The following UNC13A variants were observed in gnomAD, a reference collection of about 807,000 sequenced individuals.
UNC13A encodes protein unc-13 homolog A.
Under a neutral mutation model 219.7 loss-of-function variants are expected in UNC13A, and 61 were observed. The ratio of observed to expected loss-of-function variants is 0.28; its 90% confidence interval spans 0.23 to 0.34. The LOEUF is 0.34. Among genes scored for constraint, UNC13A ranks in the 10% least tolerant of loss-of-function variants. The pLI, the probability that UNC13A is intolerant of heterozygous loss-of-function variation, is 1.00. For synonymous variants in UNC13A, 920 were observed against 884.6 expected (o/e 1.04, Z -0.71); for missense variants, 1,476 against 2,270.3 (o/e 0.65, Z 7.11).
At chr19:17,659,818 A>G (rs73514341) in intron 8 of UNC13A, among the ~76,000 whole-genome samples, 2,828 of 152,244 alleles carry the variant, frequency 0.019, 79 homozygotes, top group African/African-American at 0.064. Flanking sequence ...AAGTACGGGT[A>G]AGGGGAAGAG....
chr19:17,646,196 A>G, intron 17 of UNC13A, 85 bp from the exon 18 acceptor site: 1 of 1,558,406 alleles, frequency 6.4e-7, no homozygotes, highest in Non-Finnish European at 8.7e-7. Context: ...CTGCAGGCTG[A>G]TAATTGGGAC....
intron 37 of UNC13A, 30 bp downstream of exon 37, chr19:17,621,802 A>G: frequency 1.2e-6 from 2 of 1,611,118 alleles, no homozygotes; most frequent in Non-Finnish European, 1.7e-6. Flanking sequence ...ACTGGAGCTC[A>G]GGGCCTCAGT....
chr19:17,654,791 G>A (rs963973009), intron 11 of UNC13A, among the ~76,000 whole-genome samples: 8 of 152,130 alleles, frequency 5.3e-5, no homozygotes, highest in African/African-American at 1.9e-4. Context: ...ATCTTTGATG[G>A]CTGAACTAAC....
Position 17,631,196 on chromosome 19 carries a change from C to T in UNC13A, c.3429-446G>A, listed in dbSNP as rs796222880. Among the ~76,000 whole-genome samples, 225 of 36,852 alleles carry T rather than the reference C, an allele frequency of 6.1e-3. 14 individuals are homozygous for T. The highest frequency in any genetic ancestry group is 0.022 in the African/African-American group (141 of 6,544). The allele number at this position is 36,852 out of a possible 152,430, so 24.2% of individuals were successfully genotyped here. A position where few individuals can be genotyped will look rare whatever the true frequency, so the allele number is the denominator to read the frequency against. ...CTCCCTCCTTTCCTTCCTTCCCTCC[C>T]TCCCTCCCTTCCTTCCTTCCTTCCT... On this transcript the variant is annotated intron_variant, in intron 28 of 43. Transcript: ENST00000519716.
At chr19:17,661,104 CTT>C (rs11287808) in intron 8 of UNC13A, among the ~76,000 whole-genome samples, 105 of 135,362 alleles carry the variant, frequency 7.8e-4, no homozygotes, top group Non-Finnish European at 7.0e-4. Flanking sequence ...ACACCCGGCC[CTT>C]TTTTTTTTTT....
chr19:17,654,680 C>T (rs2079416941), intron 11 of UNC13A, among the ~76,000 whole-genome samples: 1 of 152,152 alleles, frequency 6.6e-6, no homozygotes, highest in Non-Finnish European at 1.5e-5. Flanking sequence ...TACTCCCCTA[C>T]TGAGCCGGCC....
In UNC13A at chr19:17,652,760, C is replaced by G. The variant is rs533435401; in HGVS notation, c.1393-83G>C. 4.6e-4 allele frequency: 702 copies of G among 1,523,310 alleles called. 3 individuals are homozygous for G. Among genetic ancestry groups the G allele is most frequent in the Non-Finnish European group, 1.1e-4 (120 of 1,101,588 alleles). The allele number at this position is 1,523,310 out of a possible 1,614,324, so 94.4% of individuals were successfully genotyped here. On this transcript the variant is annotated intron_variant, in intron 11 of 43. Transcript: ENST00000519716. Reference sequence around the variant, plus strand: ...GGCTCCACACCCACTTCTGACTCCCCTCTGGGCTGGGAGTCAGATGGCCTG... The same window carrying G: ...GGCTCCACACCCACTTCTGACTCCCGTCTGGGCTGGGAGTCAGATGGCCTG...
chr19:17,620,856 G>A (rs2076722267), intron 37 of UNC13A, 134 bp from the exon 38 acceptor site: 2 of 990,216 alleles, frequency 2.0e-6, no homozygotes, highest in East Asian at 2.6e-5. Flanking sequence ...GGGTCTAATG[G>A]TGGGCCCCCT....
chr19:17,634,748 T>G (rs2076894913), intron 26 of UNC13A, among the ~76,000 whole-genome samples: 1 of 152,210 alleles, frequency 6.6e-6, no homozygotes, highest in African/African-American at 2.4e-5. Context: ...CAGGCTGGAG[T>G]GCAGTGGCGC....
At chr19:17,641,308 CCT>C (rs936378768) in intron 21 of UNC13A, 83 bp downstream of exon 21, 9 of 1,537,614 alleles carry the variant, frequency 5.9e-6, no homozygotes, top group Middle Eastern at 1.7e-4. Flanking sequence ...GGGTCTTCCC[CCT>C]GAGAATCCCT....
At chr19:17,665,791 G>A (rs1029823256) in intron 7 of UNC13A, among the ~76,000 whole-genome samples, 7 of 152,118 alleles carry the variant, frequency 4.6e-5, no homozygotes, top group African/African-American at 1.4e-4. Flanking sequence ...TGAGTTATAC[G>A]CCCTCATCCA....
At chr19:17,654,908 T>C (rs2145863378) in intron 11 of UNC13A, among the ~76,000 whole-genome samples, 1 of 152,244 alleles carries the variant, frequency 6.6e-6, no homozygotes, top group Non-Finnish European at 1.5e-5. Flanking sequence ...GAGGCTGGGC[T>C]GGGGATGTGT....
intron 20 of UNC13A, among the ~76,000 whole-genome samples, chr19:17,642,266 A>G (rs1310604335): frequency 1.3e-5 from 2 of 151,910 alleles, no homozygotes; most frequent in Non-Finnish European, 2.9e-5. Flanking sequence ...CTCATCCATC[A>G]TCTAACAATT....
intron 21 of UNC13A, among the ~76,000 whole-genome samples, chr19:17,640,880 CTT>C (rs10531732): frequency 4.3e-5 from 6 of 139,728 alleles, no homozygotes; most frequent in East Asian, 2.1e-4. Context: ...TTCTTTCTTT[CTT>C]TTTTTTTTTT....
chr19:17,666,618 T>C, intron 7 of UNC13A, 32 bp downstream of exon 7: 1 of 1,449,996 alleles, frequency 6.9e-7, no homozygotes, highest in South Asian at 1.6e-5. Context: ...GGATTTCAGC[T>C]GATACCCAAG....
intron 11 of UNC13A, among the ~76,000 whole-genome samples, chr19:17,654,882 G>A (rs1271402273): frequency 6.6e-6 from 1 of 152,162 alleles, no homozygotes; most frequent in African/African-American, 2.4e-5. Flanking sequence ...AGAAACCCCA[G>A]GCTGACATTG....
chr19:17,639,224 G>C lies in UNC13A; in HGVS notation c.2947-7C>G, dbSNP rs376967685. 19 of 1,613,734 alleles carry C rather than the reference G, an allele frequency of 1.2e-5. No homozygotes were observed. The highest frequency in any genetic ancestry group is 4.0e-5 in the African/African-American group (3 of 74,920). On this transcript the variant is annotated splice_polypyrimidine_tract_variant and splice_region_variant and intron_variant, in intron 24 of 43. Transcript: ENST00000519716. ...GGCTCTGGAGTTCTTGTACCTGAAG[G>C]GAGGGAGAGAGGCATAGGCGGCCAC...
chr19:17,669,001 G>C (rs2079722538), intron 5 of UNC13A, among the ~76,000 whole-genome samples: 1 of 152,028 alleles, frequency 6.6e-6, no homozygotes, highest in South Asian at 2.1e-4. Flanking sequence ...TCACTAGATG[G>C]CCCAGGCTGG....
chr19:17,653,190 T>C (rs1190459681), intron 11 of UNC13A, among the ~76,000 whole-genome samples: 1 of 151,744 alleles, frequency 6.6e-6, no homozygotes, highest in Non-Finnish European at 1.5e-5. Context: ...GAGGGGGTGT[T>C]TGGTTTTTTT....
Sources: gnomAD v4.1 joint callset for allele counts (sites outside exome capture counted in the v4.1 genomes callset) on GRCh38, gnomAD v4.1.1 for gene constraint, MANE v1.5 for transcripts, NCBI Gene and HGNC (gene_info 2026-07-23, HGNC 2026-07-21) for gene names.